The following DAB1 variants were observed in gnomAD, a reference collection of about 807,000 sequenced individuals.
DAB1 encodes the protein disabled homolog 1.
A neutral mutation model predicts 64.6 loss-of-function variants in DAB1; 15 were observed. That is an observed-to-expected ratio of 0.23 (90% CI 0.16 to 0.36). DAB1 has a LOEUF of 0.36. Ranked by LOEUF, DAB1 falls within the 10% of genes least tolerant of loss-of-function variation. The pLI, the probability that DAB1 is intolerant of heterozygous loss-of-function variation, is 1.00. For synonymous variants in DAB1, 235 were observed against 251.9 expected, an observed-to-expected ratio of 0.93 and a Z score of 0.64; for missense variants, 596 against 706.7, an observed-to-expected ratio of 0.84 and a Z score of 1.78.
At chr1:57,094,394 G>A (rs971335870) in intron 4 of DAB1, among the ~76,000 whole-genome samples, 4 of 152,156 alleles carry the variant, frequency 2.6e-5, no homozygotes, top group African/African-American at 9.7e-5. Context: ...AGCAAGTCTA[G>A]CAGCAAGATT....
chr1:57,695,383 AGAAAGAAAGAAAGAAAG>A (rs1646825988), intron 6 of DAB1, among the ~76,000 whole-genome samples: 1 of 95,468 alleles, frequency 1.0e-5, no homozygotes, highest in African/African-American at 4.1e-5. Context: ...AAAGAAAGAA[AGAAAGAAAGAAAGAAAG>A]AAAGAAAGAA....
At chr1:57,707,051 G>A (rs953402478) in intron 6 of DAB1, among the ~76,000 whole-genome samples, 2 of 152,146 alleles carry the variant, frequency 1.3e-5, no homozygotes, top group Middle Eastern at 3.4e-3. Context: ...TCTAGCCTGG[G>A]CAACAAGAGT....
At chr1:57,603,417 C>T (rs1484707744) in intron 7 of DAB1, among the ~76,000 whole-genome samples, 1 of 152,224 alleles carries the variant, frequency 6.6e-6, no homozygotes, top group Admixed American at 6.5e-5. Context: ...AACACTTAAA[C>T]TCAGTGCCTT....
intron 3 of DAB1, among the ~76,000 whole-genome samples, chr1:57,137,999 T>C (rs2100801154): frequency 6.6e-6 from 1 of 152,304 alleles, no homozygotes; most frequent in South Asian, 2.1e-4. Context: ...TCCATCATTT[T>C]TTTGCATGGT....
At chr1:57,745,366 A>T (rs1205146631) in intron 6 of DAB1, among the ~76,000 whole-genome samples, 1 of 152,166 alleles carries the variant, frequency 6.6e-6, no homozygotes, top group Non-Finnish European at 1.5e-5. Flanking sequence ...AAATTTTCTT[A>T]ATTTCACTTA....
At chr1:57,149,282 TGAACATTTGTGTACAA>T (rs1197253131) in intron 2 of DAB1, among the ~76,000 whole-genome samples, 10 of 152,240 alleles carry the variant, frequency 6.6e-5, no homozygotes, top group Admixed American at 6.5e-4. Context: ...AATGCTGCTA[TGAACATTTGTGTACAA>T]GTTTTTGTGT....
At chr1:58,477,400 G>C (rs1006515701) in intron 3 of DAB1, among the ~76,000 whole-genome samples, 3 of 152,156 alleles carry the variant, frequency 2.0e-5, no homozygotes, top group African/African-American at 7.2e-5. Context: ...ATAAACATTA[G>C]GTTTTAATTC....
At chr1:57,932,545 C>T (rs12046754) in intron 5 of DAB1, among the ~76,000 whole-genome samples, 4,612 of 151,598 alleles carry the variant, frequency 0.03, 98 homozygotes, top group East Asian at 0.082. Context: ...TTAAAGGCTC[C>T]AATTACAATA....
chr1:58,108,130 G>A (rs1320176078), intron 5 of DAB1, among the ~76,000 whole-genome samples: 2 of 152,198 alleles, frequency 1.3e-5, no homozygotes, highest in Non-Finnish European at 2.9e-5. Flanking sequence ...GCAAGGGGGA[G>A]CCCTGGCGGG....
At chr1:57,705,096 A>G (rs1216708402) in intron 6 of DAB1, among the ~76,000 whole-genome samples, 1 of 152,164 alleles carries the variant, frequency 6.6e-6, no homozygotes, top group Non-Finnish European at 1.5e-5. Context: ...TATATTACCC[A>G]TAGTCCTTTA....
In DAB1 at chr1:57,010,801, A is replaced by G; in HGVS notation, c.1573-11T>C. ...CTGTGATCCATCAGGCTAGAACACA[A>G]GAAGATAATACTTTTTTTTTTCTCT... is the stretch of plus-strand genomic sequence containing the variant. On this transcript the variant is annotated splice_polypyrimidine_tract_variant and intron_variant, in intron 13 of 14. Coordinates refer to ENST00000371236, the MANE Select transcript of DAB1 (RefSeq NM_001365792.1). The G allele has an allele frequency of 6.5e-7, 1 of 1,538,346 alleles. No homozygotes were observed. Among genetic ancestry groups the G allele is most frequent in the East Asian group, 2.3e-5 (1 of 43,744 alleles).
At chr1:57,799,731 G>A (rs1459703495) in intron 6 of DAB1, among the ~76,000 whole-genome samples, 4 of 152,086 alleles carry the variant, frequency 2.6e-5, no homozygotes, top group Non-Finnish European at 5.9e-5. Flanking sequence ...TTACATTTTT[G>A]AGTGGTTAAA....
intron 1 of DAB1, among the ~76,000 whole-genome samples, chr1:57,315,301 G>C (rs1264308267): frequency 6.6e-6 from 1 of 152,192 alleles, no homozygotes; most frequent in South Asian, 2.1e-4. Flanking sequence ...TATTAATAAT[G>C]TGTTTGCTCA....
intron 5 of DAB1, among the ~76,000 whole-genome samples, chr1:57,912,190 T>A (rs78436661): frequency 6.6e-4 from 100 of 152,332 alleles, no homozygotes; most frequent in African/African-American, 2.2e-3. Context: ...AGAGGCTTTC[T>A]GAATCTAAAT....
At chr1:58,026,111 C>T (rs78696457) in intron 5 of DAB1, among the ~76,000 whole-genome samples, 332 of 152,288 alleles carry the variant, frequency 2.2e-3, no homozygotes, top group Non-Finnish European at 3.9e-3. Context: ...AAAAATCAAG[C>T]TACATGCTGC....
rs886110207 is a variant in DAB1, at chr1:58,415,378, G to A, written n.258-71975C>T. On this transcript the variant is annotated intron_variant and non_coding_transcript_variant, in intron 3 of 20. Transcript: ENST00000485760. ...AGACACTTGGCATCACAACTTTTACGATTTACTGAAGGTTTTAATAAAAGG... is the reference window on the plus strand; with the variant it reads ...AGACACTTGGCATCACAACTTTTACAATTTACTGAAGGTTTTAATAAAAGG... The A allele has an allele frequency of 5.4e-5, 13 of 241,538 alleles. 1 individual carries two copies. In the East Asian group the frequency reaches 2.0e-3, roughly 36 times the overall value. The allele number at this position is 241,538 out of a possible 1,614,324, so 15.0% of individuals were successfully genotyped here.
intron 4 of DAB1, among the ~76,000 whole-genome samples, chr1:58,161,101 C>T (rs114097545): frequency 0.05 from 7,580 of 152,260 alleles, 221 homozygotes; most frequent in Admixed American, 0.078. Context: ...GTAGAAACGA[C>T]TCTCACCAGC....
At chr1:58,136,461 A>G (rs563422018) in intron 5 of DAB1, among the ~76,000 whole-genome samples, 10 of 152,314 alleles carry the variant, frequency 6.6e-5, no homozygotes, top group Non-Finnish European at 1.3e-4. Flanking sequence ...TGAAGGCTGC[A>G]TTAATTTTGG....
chr1:58,241,206 A>C (rs1347712058), intron 4 of DAB1, among the ~76,000 whole-genome samples: 2 of 152,166 alleles, frequency 1.3e-5, no homozygotes, highest in Non-Finnish European at 2.9e-5. Context: ...TGTAATTATT[A>C]TTATTATTTC....
Sources: allele counts gnomAD v4.1 joint callset (sites outside exome capture counted in the v4.1 genomes callset), GRCh38; gene constraint gnomAD v4.1.1; transcripts MANE v1.5; gene names NCBI Gene and HGNC (gene_info 2026-07-23, HGNC 2026-07-21).